The following ABCA13 variants were observed in gnomAD, a reference collection of about 807,000 sequenced individuals.
The protein encoded by ABCA13 is ATP binding cassette subfamily A member 13.
A neutral mutation model predicts 478.7 loss-of-function variants in ABCA13; 476 were observed. That is an observed-to-expected ratio of 0.99 (90% CI 0.92 to 1.07). The LOEUF is 1.07. Ranked by LOEUF, ABCA13 falls within the 50% of genes least tolerant of loss-of-function variation. ABCA13 has a pLI of 0.00. For missense variants in ABCA13, 6,060 were observed against 5,910.6 expected (o/e 1.03, Z -0.83); for synonymous variants, 2,252 against 2,158.9 (o/e 1.04, Z -1.20).
At chr7:48,308,057 C>T (rs1301132653) in intron 23 of ABCA13, among the ~76,000 whole-genome samples, 3 of 152,214 alleles carry the variant, frequency 2.0e-5, no homozygotes, top group African/African-American at 4.8e-5. Flanking sequence ...ATACATTGCA[C>T]AGCTGTACAA....
At position 48,317,206 on chromosome 7, in the gene ABCA13, T is replaced by G. The variant is rs1200905955; in HGVS notation, c.9909T>G (p.Gly3303=). ...LYQEILQLPN[G]ALVWTFLKPI... Reference sequence around the variant, plus strand: ...AGGAAATTCTACAATTGCCAAATGGTGCTTTGGTGTGGACCTTCCTAAAAC... The same window carrying G: ...AGGAAATTCTACAATTGCCAAATGGGGCTTTGGTGTGGACCTTCCTAAAAC... The change falls in exon 27 of 62, where the codon GGT becomes GGG. Residue 3303 remains glycine, a synonymous_variant. Coordinates refer to ENST00000435803, the MANE Select transcript of ABCA13 (RefSeq NM_152701.5). 1 of 1,613,590 alleles carries G rather than the reference T, an allele frequency of 6.2e-7. No homozygotes were observed. The highest frequency in any genetic ancestry group is 8.5e-7 in the Non-Finnish European group (1 of 1,179,780).
At chr7:48,577,830 A>G (rs1367440601) in intron 55 of ABCA13, among the ~76,000 whole-genome samples, 2 of 152,146 alleles carry the variant, frequency 1.3e-5, no homozygotes, top group Non-Finnish European at 2.9e-5. Context: ...AATTTTCAAC[A>G]AAGTATCAAA....
intron 43 of ABCA13, among the ~76,000 whole-genome samples, chr7:48,466,210 T>C (rs1437726149): frequency 2.0e-5 from 3 of 152,218 alleles, no homozygotes; most frequent in East Asian, 1.9e-4. Context: ...TTTCTCAAGA[T>C]TGTCTTATAA....
chr7:48,639,048 AT>A (rs769448987), intron 59 of ABCA13, among the ~76,000 whole-genome samples: 2 of 152,146 alleles, frequency 1.3e-5, no homozygotes, highest in Non-Finnish European at 2.9e-5. Context: ...CAGCATCAGT[AT>A]TTTGTGGGGA....
In ABCA13 at chr7:48,297,298, C is replaced by T. The variant is rs1282285558; in HGVS notation, c.9186C>T (p.Phe3062=). 4 of 1,607,858 alleles carry T rather than the reference C, an allele frequency of 2.5e-6. No individual in the cohort carries two copies. Among genetic ancestry groups the T allele is most frequent in the Non-Finnish European group, 3.4e-6 (4 of 1,176,982 alleles). The change falls in exon 22 of 62, where the codon TTC becomes TTT. Residue 3062 remains phenylalanine, a synonymous_variant. Coordinates refer to ENST00000435803, the MANE Select transcript of ABCA13 (RefSeq NM_152701.5). ...GNPIMTFLSN[F]TVTEDVKIKD... ...CCATCATGACTTTTCTCAGCAATTT[C>T]ACAGTAACTGAGGGTAAGTATGTGG...
At chr7:48,442,811 C>G (rs1261904072) in intron 42 of ABCA13, among the ~76,000 whole-genome samples, 2 of 152,168 alleles carry the variant, frequency 1.3e-5, no homozygotes, top group Admixed American at 1.3e-4. Context: ...TGGAGATACA[C>G]TGCCTTGGTG....
intron 58 of ABCA13, among the ~76,000 whole-genome samples, chr7:48,600,502 C>G (rs1348811054): frequency 6.6e-6 from 1 of 151,970 alleles, no homozygotes; most frequent in African/African-American, 2.4e-5. Flanking sequence ...TCTGTTTCTA[C>G]TTGGCAGCCT....
intron 55 of ABCA13, among the ~76,000 whole-genome samples, chr7:48,551,294 T>G (rs1171889040): frequency 1.3e-5 from 2 of 151,902 alleles, no homozygotes; most frequent in Non-Finnish European, 2.9e-5. Flanking sequence ...GCTATCATTT[T>G]GATAGAATTT....
At chr7:48,482,385 AT>A (rs5884048) in intron 46 of ABCA13, among the ~76,000 whole-genome samples, 50,573 of 148,110 alleles carry the variant, frequency 0.34, 8,541 homozygotes, top group East Asian at 0.46. Flanking sequence ...CTATTAAGAA[AT>A]TTTTTTTTTT....
At chr7:48,630,332 G>T (rs1177359614) in intron 59 of ABCA13, among the ~76,000 whole-genome samples, 1 of 152,092 alleles carries the variant, frequency 6.6e-6, no homozygotes, top group South Asian at 2.1e-4. Context: ...CCTCAAGTAG[G>T]CTCCAGTGTC....
At chr7:48,349,763 G>A (rs758605875) in intron 29 of ABCA13, among the ~76,000 whole-genome samples, 4 of 152,190 alleles carry the variant, frequency 2.6e-5, no homozygotes, top group Admixed American at 6.5e-5. Flanking sequence ...TCCAAGCTTC[G>A]ATGGAGGGTG....
At chr7:48,371,348 T>C (rs762296899) in intron 32 of ABCA13, among the ~76,000 whole-genome samples, 2 of 152,206 alleles carry the variant, frequency 1.3e-5, no homozygotes, top group African/African-American at 4.8e-5. Flanking sequence ...GGGAATAGCA[T>C]TGAATCTATA....
At chr7:48,297,420 T>C in intron 22 of ABCA13, 109 bp downstream of exon 22, 1 of 1,067,994 alleles carries the variant, frequency 9.4e-7, no homozygotes, top group South Asian at 1.5e-5. Flanking sequence ...CTATATGTGA[T>C]ACATAATCAT....
intron 57 of ABCA13, 130 bp from the exon 58 acceptor site, chr7:48,594,580 A>G (rs372430597): frequency 1.3e-5 from 10 of 759,388 alleles, no homozygotes; most frequent in East Asian, 2.7e-5. Context: ...AACAAAGCCA[A>G]TTGGAGAGGT....
chr7:48,565,238 T>A (rs1215795100), intron 55 of ABCA13, among the ~76,000 whole-genome samples: 1 of 139,912 alleles, frequency 7.1e-6, no homozygotes, highest in African/African-American at 2.8e-5. Flanking sequence ...TTTTTGCCAG[T>A]AGTTTATAAC....
intron 20 of ABCA13, among the ~76,000 whole-genome samples, chr7:48,293,467 T>C (rs1034144934): frequency 1.3e-5 from 2 of 152,234 alleles, no homozygotes; most frequent in Non-Finnish European, 2.9e-5. Flanking sequence ...CTTCCCATAA[T>C]TGGTGCAACC....
At chr7:48,469,971 A>G (rs1827304563) in intron 44 of ABCA13, among the ~76,000 whole-genome samples, 1 of 151,754 alleles carries the variant, frequency 6.6e-6, no homozygotes, top group African/African-American at 2.4e-5. Context: ...GCAGCCCTGT[A>G]GTAGAGAGAA....
In ABCA13 at chr7:48,240,998, T is replaced by G; in HGVS notation, c.1194T>G (p.Thr398=). 6.2e-7 allele frequency: 1 copy of G among 1,614,018 alleles called. No individual in the cohort carries two copies. The highest frequency in any genetic ancestry group is 8.5e-7 in the Non-Finnish European group (1 of 1,179,886). The change falls in exon 10 of 62, where the codon ACT becomes ACG. Residue 398 remains threonine, a synonymous_variant. Transcript: ENST00000435803. Reference sequence around the variant, plus strand: ...GGAAGGTGGTGGAAGCTCTGCACACTGCACTGCTCCTGCTGAATGACAGCT... The same window carrying G: ...GGAAGGTGGTGGAAGCTCTGCACACGGCACTGCTCCTGCTGAATGACAGCT... ...KPWKVVEALH[T]ALLLLNDSLS... is the part of the protein sequence containing the mutation.
At chr7:48,171,631 T>C in intron 1 of ABCA13, 79 bp downstream of exon 1, 1 of 1,446,772 alleles carries the variant, frequency 6.9e-7, no homozygotes, top group Non-Finnish European at 9.4e-7. Context: ...CCTGCCTGCC[T>C]CTGCCTCCTG....
Sources: gnomAD v4.1 joint callset for allele counts (sites outside exome capture counted in the v4.1 genomes callset) on GRCh38, gnomAD v4.1.1 for gene constraint, MANE v1.5 for transcripts, NCBI Gene and HGNC (gene_info 2026-07-23, HGNC 2026-07-21) for gene names.